The following MSI2 variants were observed in gnomAD, a reference collection of about 807,000 sequenced individuals.
The protein encoded by MSI2 is RNA-binding protein Musashi homolog 2.
Under a neutral mutation model 45.6 loss-of-function variants are expected in MSI2, and 17 were observed. The observed-to-expected ratio is 0.37, with a 90% CI of 0.26 to 0.56. The LOEUF is 0.56. Ranked by LOEUF, MSI2 falls within the 20% of genes least tolerant of loss-of-function variation. The probability of loss-of-function intolerance (pLI) is 0.77; values close to 1 mark genes in which losing one functional copy is unlikely to be tolerated. For synonymous variants in MSI2, 156 were observed against 158.2 expected (o/e 0.99, Z 0.11); for missense variants, 293 against 444.2 (o/e 0.66, Z 3.06).
intron 6 of MSI2, among the ~76,000 whole-genome samples, chr17:57,518,617 C>T (rs917979859): frequency 6.6e-6 from 1 of 152,194 alleles, no homozygotes; most frequent in African/African-American, 2.4e-5. Context: ...CATCAGTGCT[C>T]CCCTAAATGA....
chr17:57,418,480 G>T (rs1404619638), intron 6 of MSI2, among the ~76,000 whole-genome samples: 1 of 152,204 alleles, frequency 6.6e-6, no homozygotes, highest in African/African-American at 2.4e-5. Context: ...TTAAGAGCAG[G>T]CATAAGCCCC....
chr17:57,518,737 C>T (rs2086522398), intron 6 of MSI2, among the ~76,000 whole-genome samples: 2 of 152,178 alleles, frequency 1.3e-5, no homozygotes, highest in Non-Finnish European at 2.9e-5. Flanking sequence ...AGTTCAGCAG[C>T]CTGCCTGCCA....
chr17:57,666,368 C>T (rs1284058173), intron 11 of MSI2, among the ~76,000 whole-genome samples: 4 of 152,208 alleles, frequency 2.6e-5, no homozygotes, highest in Admixed American at 1.3e-4. Flanking sequence ...GAAAAAAGAT[C>T]GTGTGAAACA....
At chr17:57,363,372 GGAGCTCTGTGACAAAAA>G (rs776216033) in intron 5 of MSI2, among the ~76,000 whole-genome samples, 10 of 152,140 alleles carry the variant, frequency 6.6e-5, no homozygotes, top group Non-Finnish European at 8.8e-5. Flanking sequence ...AAGGGGGTGG[GGAGCTCTGTGACAAAAA>G]GAGCTCTGTG....
chr17:57,433,238 G>A (rs1268858119), intron 6 of MSI2, among the ~76,000 whole-genome samples: 1 of 152,200 alleles, frequency 6.6e-6, no homozygotes, highest in Non-Finnish European at 1.5e-5. Context: ...CCAAATTCGT[G>A]TTCACCTGGA....
intron 6 of MSI2, among the ~76,000 whole-genome samples, chr17:57,443,934 C>G (rs1329351929): frequency 6.6e-6 from 1 of 152,158 alleles, no homozygotes; most frequent in Non-Finnish European, 1.5e-5. Context: ...CCTCCTGAGT[C>G]CAGTGGTGTC....
At chr17:57,565,762 A>G (rs897586809) in intron 7 of MSI2, among the ~76,000 whole-genome samples, 5 of 152,220 alleles carry the variant, frequency 3.3e-5, no homozygotes, top group African/African-American at 4.8e-5. Context: ...TTGAAGCTGT[A>G]TCCACCTAGG....
At chr17:57,285,668 A>T (rs891720377) in intron 5 of MSI2, among the ~76,000 whole-genome samples, 1 of 152,210 alleles carries the variant, frequency 6.6e-6, no homozygotes, top group African/African-American at 2.4e-5. Flanking sequence ...GGTGTTTTGA[A>T]TTCTGTGGGA....
intron 9 of MSI2, among the ~76,000 whole-genome samples, chr17:57,620,903 G>A (rs931829748): frequency 6.6e-6 from 1 of 152,152 alleles, no homozygotes; most frequent in African/African-American, 2.4e-5. Context: ...GGAGATACAG[G>A]CCTCCCCAGC....
chr17:57,464,015 GTGTGTA>G (rs1289296413), intron 6 of MSI2, among the ~76,000 whole-genome samples: 77 of 128,272 alleles, frequency 6.0e-4, no homozygotes, highest in South Asian at 1.6e-3. Context: ...GTGTGTGTGT[GTGTGTA>G]TGTGTGTGTG....
chr17:57,639,395 G>A lies in MSI2; in HGVS notation c.727+12092G>A, dbSNP rs190933403. 2.6e-5 allele frequency among the ~76,000 whole-genome samples: 4 copies of A among 152,292 alleles called. No homozygotes were observed. In the East Asian group the frequency reaches 7.7e-4, roughly 29 times the overall value. ...CTGGGCAGAGACTGTCCTAGTACTT[G>A]GGCTGAGACAGCTGGACAATAGGTT... is the stretch of plus-strand genomic sequence containing the variant. On this transcript the variant is annotated intron_variant, in intron 10 of 13. Coordinates refer to ENST00000284073, the MANE Select transcript of MSI2 (RefSeq NM_138962.4).
chr17:57,387,425 G>C (rs1426803043), intron 5 of MSI2, among the ~76,000 whole-genome samples: 1 of 152,162 alleles, frequency 6.6e-6, no homozygotes, highest in African/African-American at 2.4e-5. Context: ...GATGTATTAG[G>C]ATATTGGTGT....
intron 10 of MSI2, chr17:57,630,193 T>TGGGGGGGGGGGGGGGG (rs781446299): frequency 6.8e-6 from 1 of 146,906 alleles, no homozygotes. Context: ...GGGCGGGGGA[T>TGGGGGGGGGGGGGGGG]GGACTGGGCT....
chr17:57,570,912 T>C (rs2087859378), intron 7 of MSI2, among the ~76,000 whole-genome samples: 1 of 152,088 alleles, frequency 6.6e-6, no homozygotes, highest in Non-Finnish European at 1.5e-5. Context: ...CCAGGACATC[T>C]GGGAGAAAGA....
Position 57,407,324 on chromosome 17 carries a change from AC to A in MSI2, c.405+5857del, listed in dbSNP as rs2084103044. ...CTGCATTCATGGCCCCCACTCAGAC[AC>A]CCCTTTTGATACTGTATGTGTGAGG... On this transcript the variant is annotated intron_variant, in intron 6 of 13. Coordinates refer to ENST00000284073, the MANE Select transcript of MSI2 (RefSeq NM_138962.4). This position sits in a 1 kb window ranked among gnomAD's most constrained non-coding sequence, Gnocchi z 4.1. Among the ~76,000 whole-genome samples the A allele has an allele frequency of 6.6e-6, 1 of 151,828 alleles. No individual in the cohort carries two copies. The highest frequency in any genetic ancestry group is 1.5e-5 in the Non-Finnish European group (1 of 67,954).
intron 6 of MSI2, among the ~76,000 whole-genome samples, chr17:57,518,341 C>G (rs111232989): frequency 1.3e-5 from 2 of 152,290 alleles, no homozygotes; most frequent in South Asian, 4.2e-4. Context: ...CCTCCCCAGG[C>G]GTATGGCTGC....
At chr17:57,333,606 A>AT (rs568816538) in intron 5 of MSI2, among the ~76,000 whole-genome samples, 83 of 151,864 alleles carry the variant, frequency 5.5e-4, no homozygotes, top group African/African-American at 2.0e-3. Flanking sequence ...CCTAGCTAAT[A>AT]TTTTTTTGTA....
intron 10 of MSI2, chr17:57,631,913 C>CT: frequency 1.3e-6 from 2 of 1,572,804 alleles, no homozygotes; most frequent in Admixed American, 1.8e-5. Flanking sequence ...GCTGCCCCCG[C>CT]TCCAGTCAAT....
At chr17:57,470,651 A>G (rs1315750507) in intron 6 of MSI2, among the ~76,000 whole-genome samples, 1 of 152,220 alleles carries the variant, frequency 6.6e-6, no homozygotes, top group East Asian at 1.9e-4. Flanking sequence ...GTAGGGTAAA[A>G]GAATAGTTGA....
Sources: allele counts gnomAD v4.1 joint callset (sites outside exome capture counted in the v4.1 genomes callset), GRCh38; gene constraint gnomAD v4.1.1; non-coding constraint Gnocchi (gnomAD v3.1); transcripts MANE v1.5; gene names NCBI Gene and HGNC (gene_info 2026-07-23, HGNC 2026-07-21).